Variants in PCNT observed in about 807,000 individuals in gnomAD.
The protein encoded by PCNT is pericentrin, also known as kendrin.
Under a neutral mutation model 380.4 loss-of-function variants are expected in PCNT, and 319 were observed. The observed-to-expected ratio is 0.84, with a 90% CI of 0.77 to 0.92. The LOEUF (loss-of-function observed/expected upper bound fraction) is 0.92, where lower values mean the gene tolerates loss of function less well. Ranked by LOEUF, PCNT falls within the 40% of genes least tolerant of loss-of-function variation. PCNT has a pLI of 0.00. For synonymous variants in PCNT, 1,845 were observed against 1,735.2 expected, an observed-to-expected ratio of 1.06 and a Z score of -1.57; for missense variants, 4,400 against 4,255.3, an observed-to-expected ratio of 1.03 and a Z score of -0.95.
chr21:46,403,451 G>T (rs1175728162), intron 27 of PCNT, among the ~76,000 whole-genome samples: 1 of 133,258 alleles, frequency 7.5e-6, no homozygotes, highest in African/African-American at 2.9e-5. Flanking sequence ...TGTGTGTGTG[G>T]TGCCCACGCG....
chr21:46,381,594 G>C, intron 15 of PCNT, 100 bp from the exon 16 acceptor site: 1 of 1,080,990 alleles, frequency 9.3e-7, no homozygotes, highest in Admixed American at 1.7e-5. Context: ...GCAGAGTGGG[G>C]GCTCCATGCA....
rs76321292 is a variant in PCNT, at chr21:46,386,171, G to A, written c.3464+188G>A. Among the ~76,000 whole-genome samples the A allele has an allele frequency of 0.046, 7,072 of 152,234 alleles. 214 individuals are homozygous for A. The highest frequency in any genetic ancestry group is 0.063 in the Non-Finnish European group (4,258 of 67,998). On this transcript the variant is annotated intron_variant, in intron 17 of 46. Coordinates refer to ENST00000359568, the MANE Select transcript of PCNT (RefSeq NM_006031.6). Reference sequence around the variant, plus strand: ...AGATTGTAAGCACCGGGAAGAAATCGCCTGCTGTGTCTCATCTCCCAGCCC... The same window carrying A: ...AGATTGTAAGCACCGGGAAGAAATCACCTGCTGTGTCTCATCTCCCAGCCC...
Position 46,435,898 on chromosome 21 carries a change from C to T in PCNT, c.8752-6C>T. 2 of 1,614,094 alleles carry T rather than the reference C, an allele frequency of 1.2e-6. No homozygotes were observed. Among genetic ancestry groups the T allele is most frequent in the Non-Finnish European group, 1.7e-6 (2 of 1,179,994 alleles). On this transcript the variant is annotated splice_polypyrimidine_tract_variant and splice_region_variant and intron_variant, in intron 38 of 46. Coordinates refer to ENST00000359568, the MANE Select transcript of PCNT (RefSeq NM_006031.6). Reference sequence around the variant, plus strand: ...GTCTTCTCTGTCTTTTTTCTGTTAACAACAGCGAGAATTAGAACTGCAGCG... The same window carrying T: ...GTCTTCTCTGTCTTTTTTCTGTTAATAACAGCGAGAATTAGAACTGCAGCG...
chr21:46,395,518 C>T (rs1296875184), intron 21 of PCNT, among the ~76,000 whole-genome samples: 3 of 128,842 alleles, frequency 2.3e-5, no homozygotes, highest in African/African-American at 5.5e-5. Context: ...GACTCAGCAG[C>T]AGAGACTCCA....
At chr21:46,364,291 A>G (rs913959197) in intron 14 of PCNT, among the ~76,000 whole-genome samples, 13 of 150,306 alleles carry the variant, frequency 8.6e-5, no homozygotes, top group African/African-American at 3.2e-4. Flanking sequence ...CCAGGCTGCA[A>G]TGGGGACAGC....
Position 46,355,566 on chromosome 21 carries a change from G to T in PCNT, c.1876G>T (p.Val626Leu). The T allele has an allele frequency of 6.2e-7, 1 of 1,614,108 alleles. No homozygotes were observed. Among genetic ancestry groups the T allele is most frequent in the African/African-American group, 1.3e-5 (1 of 75,050 alleles). Residue 626 changes from valine to leucine, a missense_variant, in exon 12 of 47, where the codon GTA (valine) becomes TTA (leucine). Val to Leu is a conservative substitution (Grantham distance 32, BLOSUM62 1). Transcript: ENST00000359568. ...GGGGCATGTCTCAGACAGATGCTGC[G>T]TAGAGACTTCAGCATTGGGACACGA... Reference protein sequence around the residue: ...HEGHVSDRCCVETSALGHEWR... With the variant: ...HEGHVSDRCCLETSALGHEWR...
Position 46,389,208 on chromosome 21 carries a change from TGGA to T in PCNT, c.3622_3624del (p.Glu1208del), listed in dbSNP as rs1290000003. On this transcript the variant is annotated inframe_deletion, in exon 19 of 47. Coordinates refer to ENST00000359568, the MANE Select transcript of PCNT (RefSeq NM_006031.6). Reference sequence around the variant, plus strand: ...TCTGCTCATCTTGTAGCTCCGGCGCTGGAGGAGACATGGTCTGATGTGGCCCTC... The same window carrying T: ...TCTGCTCATCTTGTAGCTCCGGCGCTGGAGACATGGTCTGATGTGGCCCTC... The T allele has an allele frequency of 6.2e-7, 1 of 1,613,888 alleles. No individual in the cohort carries two copies. The highest frequency in any genetic ancestry group is 1.3e-5 in the African/African-American group (1 of 74,928).
intron 21 of PCNT, among the ~76,000 whole-genome samples, chr21:46,392,124 A>G (rs1337712847): frequency 6.6e-6 from 1 of 152,184 alleles, no homozygotes; most frequent in East Asian, 1.9e-4. Flanking sequence ...TTAGAAAACA[A>G]CCAGCTTTTG....
intron 2 of PCNT, among the ~76,000 whole-genome samples, chr21:46,333,761 C>T (rs1362018599): frequency 1.3e-5 from 2 of 150,790 alleles, no homozygotes; most frequent in Admixed American, 1.3e-4. Context: ...TCACTTGAAC[C>T]CAGGAGGTGG....
intron 13 of PCNT, among the ~76,000 whole-genome samples, chr21:46,361,168 C>A (rs1331134552): frequency 6.6e-6 from 1 of 152,076 alleles, no homozygotes; most frequent in Non-Finnish European, 1.5e-5. Flanking sequence ...GTGGATCACC[C>A]AAGGTCAGGA....
rs1294156621 is a variant in PCNT, at chr21:46,391,067, G to C, written c.4004-97G>C. 3.9e-6 allele frequency: 5 copies of C among 1,269,676 alleles called. No individual in the cohort carries two copies. In the African/African-American group the frequency reaches 5.9e-5, roughly 15 times the overall value. The allele number at this position is 1,269,676 out of a possible 1,614,324, so 78.7% of individuals were successfully genotyped here. A position where few individuals can be genotyped will look rare whatever the true frequency, so the allele number is the denominator to read the frequency against. ...GAAGCTGCTGGCTCTTAGCTCTGCT[G>C]CTCTCAGGGGCAGTGGCCCCGTCCC... On this transcript the variant is annotated intron_variant, in intron 20 of 46. Transcript: ENST00000359568.
chr21:46,437,034 A>G lies in PCNT; in HGVS notation c.9052A>G (p.Thr3018Ala). The change falls in exon 40 of 47, where the codon ACG becomes GCG. Residue 3018 changes from threonine (T) to alanine (A), a missense_variant. Transcript: ENST00000359568. ...NEKAVMSLLH[T>A]LEELKSDLSR... ...GAAAGCAGTGATGTCTTTACTGCAC[A>G]CGTTGGAGGAGCTGAAGTCTGACTT... 1 of 1,614,202 alleles carries G rather than the reference A, an allele frequency of 6.2e-7. No individual in the cohort carries two copies. The highest frequency in any genetic ancestry group is 2.2e-5 in the East Asian group (1 of 44,880).
intron 15 of PCNT, among the ~76,000 whole-genome samples, chr21:46,371,765 C>T (rs992300923): frequency 4.6e-5 from 7 of 152,246 alleles, no homozygotes; most frequent in Non-Finnish European, 8.8e-5. Flanking sequence ...GCCTGCTGGT[C>T]TGCATGATGA....
rs1245067873 is a variant in PCNT, at chr21:46,383,859, C to G, written c.3313-1973C>G. On this transcript the variant is annotated intron_variant, in intron 16 of 46. Transcript: ENST00000359568. ...AAGCGCATTCACCATGTTGTATATT[C>G]AGTGACGGAAGCGCATTCACGGTGT... is the stretch of plus-strand genomic sequence containing the variant. 9.7e-5 allele frequency among the ~76,000 whole-genome samples: 14 copies of G among 144,188 alleles called. 1 individual carries two copies. In the South Asian group the frequency reaches 2.1e-3, roughly 22 times the overall value. The allele number at this position is 144,188 out of a possible 152,430, so 94.6% of individuals were successfully genotyped here.
At position 46,388,214 on chromosome 21, in the gene PCNT, A is replaced by G. The variant is rs541961606; in HGVS notation, c.3465-528A>G. Among the ~76,000 whole-genome samples the G allele has an allele frequency of 6.6e-6, 1 of 151,932 alleles. No homozygotes were observed. The highest frequency in any genetic ancestry group is 1.9e-4 in the East Asian group (1 of 5,152). ...GACAGAGCGAGACTCCATCTCAAAA[A>G]AAAAAAAAGACAGAAGCATCCCAGA... is the stretch of plus-strand genomic sequence containing the variant. On this transcript the variant is annotated intron_variant, in intron 17 of 46. Coordinates refer to ENST00000359568, the MANE Select transcript of PCNT (RefSeq NM_006031.6). The surrounding 1 kb of genome is among the most constrained non-coding windows in gnomAD (Gnocchi z 4.2).
chr21:46,402,528 A>G (rs768413803), intron 27 of PCNT, 45 bp downstream of exon 27: 2 of 1,608,550 alleles, frequency 1.2e-6, no homozygotes, highest in African/African-American at 2.7e-5. Context: ...CATGTTGCTT[A>G]TGCCGGTGCC....
chr21:46,350,509 G>C (rs976720520), intron 8 of PCNT, among the ~76,000 whole-genome samples: 3 of 152,184 alleles, frequency 2.0e-5, no homozygotes, highest in African/African-American at 7.2e-5. Flanking sequence ...CTCATTGGAG[G>C]CCTGACAAAC....
rs776082686 is a variant in PCNT at position 46,416,452 on chromosome 21, C to T, written c.6534C>T (p.Pro2178=). 1.9e-6 allele frequency: 3 copies of T among 1,614,200 alleles called. No homozygotes were observed. Among genetic ancestry groups the T allele is most frequent in the South Asian group, 2.2e-5 (2 of 91,076 alleles). The stretch of plus-strand genomic sequence containing the variant: ...TACCAGATGAAATGCCAGATTCTCC[C>T]ATTCAAGAAAAATCAGAATGTCAGG... The part of the protein sequence containing the change: ...SLIPDEMPDS[P]IQEKSECQDM... Residue 2178 remains proline, a synonymous_variant, in exon 30 of 47, where the codon CCC becomes CCT. Coordinates refer to ENST00000359568, the MANE Select transcript of PCNT (RefSeq NM_006031.6).
chr21:46,325,005 A>G, intron 1 of PCNT: 1 of 984,464 alleles, frequency 1.0e-6, no homozygotes, highest in African/African-American at 1.7e-5. Context: ...CCGGGAACCC[A>G]CGCGGCGCTG....
Sources: allele counts gnomAD v4.1 joint callset (sites outside exome capture counted in the v4.1 genomes callset), GRCh38; gene constraint gnomAD v4.1.1; non-coding constraint Gnocchi (gnomAD v3.1); transcripts MANE v1.5; gene names NCBI Gene and HGNC (gene_info 2026-07-23, HGNC 2026-07-21).